ARHGAP10: variants seen among roughly 807,000 people sequenced by gnomAD.
ARHGAP10 encodes rho GTPase-activating protein 10.
Under a neutral mutation model 108.6 loss-of-function variants are expected in ARHGAP10, and 87 were observed. The ratio of observed to expected loss-of-function variants is 0.80; its 90% confidence interval spans 0.67 to 0.96. The LOEUF (loss-of-function observed/expected upper bound fraction) is 0.96, where lower values mean the gene tolerates loss of function less well. Ranked by LOEUF, ARHGAP10 falls within the 40% of genes least tolerant of loss-of-function variation. The probability of loss-of-function intolerance (pLI) is 0.00; values close to 1 mark genes in which losing one functional copy is unlikely to be tolerated. For synonymous variants in ARHGAP10, 347 were observed against 341.1 expected (o/e 1.02, Z -0.19); for missense variants, 939 against 954.5 (o/e 0.98, Z 0.21).
intron 1 of ARHGAP10, among the ~76,000 whole-genome samples, chr4:147,800,759 G>A (rs142587956): frequency 6.6e-6 from 1 of 152,280 alleles, no homozygotes; most frequent in Non-Finnish European, 1.5e-5. Flanking sequence ...TAGTAGGGAG[G>A]AGCAGAGAGA....
chr4:147,765,141 A>G (rs952462828), intron 1 of ARHGAP10, among the ~76,000 whole-genome samples: 1 of 152,184 alleles, frequency 6.6e-6, no homozygotes, highest in Non-Finnish European at 1.5e-5. Flanking sequence ...AAATGGGGAA[A>G]TCTAGGAGTC....
At chr4:147,832,415 G>A (rs1401442124) in intron 3 of ARHGAP10, among the ~76,000 whole-genome samples, 1 of 151,274 alleles carries the variant, frequency 6.6e-6, no homozygotes, top group South Asian at 2.1e-4. Flanking sequence ...TTGGGAGGCC[G>A]AGGTGGGTGG....
At chr4:147,843,205 C>T (rs548989999) in intron 3 of ARHGAP10, among the ~76,000 whole-genome samples, 17 of 152,296 alleles carry the variant, frequency 1.1e-4, no homozygotes, top group Admixed American at 5.2e-4. Context: ...CATCTCCTCC[C>T]GTGTCAGAGA....
intron 1 of ARHGAP10, among the ~76,000 whole-genome samples, chr4:147,774,316 A>G (rs868861952): frequency 3.9e-5 from 6 of 152,314 alleles, no homozygotes; most frequent in Middle Eastern, 3.4e-3. Flanking sequence ...TCCCCAGGCT[A>G]GGCAAGCATG....
chr4:147,924,578 C>A (rs1368297477), intron 13 of ARHGAP10, among the ~76,000 whole-genome samples: 3 of 152,100 alleles, frequency 2.0e-5, no homozygotes, highest in African/African-American at 7.2e-5. Context: ...ACAGAAGAAA[C>A]TTGGTGGAAC....
Position 147,975,361 on chromosome 4 carries a change from G to A in ARHGAP10, c.1716+8522G>A, listed in dbSNP as rs781120882. 5.9e-5 allele frequency among the ~76,000 whole-genome samples: 9 copies of A among 152,230 alleles called. No homozygotes were observed. The South Asian group carries it at 1.0e-3, about 18-fold the overall frequency. On this transcript the variant is annotated intron_variant, in intron 18 of 22. Coordinates refer to ENST00000336498, the MANE Select transcript of ARHGAP10 (RefSeq NM_024605.4). ...CGAGTAGTGTGTGTCCTCCAGTCAC[G>A]GAGGAGCCTAGACAGAGCAGTAGGG...
intron 15 of ARHGAP10, among the ~76,000 whole-genome samples, chr4:147,947,943 GTT>G (rs35309386): frequency 5.3e-4 from 62 of 117,984 alleles, no homozygotes; most frequent in East Asian, 1.4e-3. Context: ...ACCTGCCACT[GTT>G]TTTTTTTTTT....
intron 14 of ARHGAP10, among the ~76,000 whole-genome samples, chr4:147,943,568 G>C (rs1243907592): frequency 1.3e-5 from 2 of 152,172 alleles, no homozygotes; most frequent in Non-Finnish European, 2.9e-5. Flanking sequence ...TCAAAAAAAT[G>C]ACCAGTGGTT....
chr4:147,941,632 A>T (rs904088030), intron 14 of ARHGAP10, among the ~76,000 whole-genome samples: 6 of 152,184 alleles, frequency 3.9e-5, no homozygotes, highest in African/African-American at 1.4e-4. Flanking sequence ...TGAGACAGAT[A>T]CTGACTTGTT....
chr4:147,950,377 A>G (rs2126977069), intron 15 of ARHGAP10, among the ~76,000 whole-genome samples: 1 of 152,334 alleles, frequency 6.6e-6, no homozygotes, highest in South Asian at 2.1e-4. Flanking sequence ...CATGAGAGGT[A>G]ATACAGTGTG....
chr4:147,765,007 C>A (rs891888940), intron 1 of ARHGAP10, among the ~76,000 whole-genome samples: 2 of 152,150 alleles, frequency 1.3e-5, no homozygotes, highest in Non-Finnish European at 2.9e-5. Flanking sequence ...TACAAGTAAT[C>A]TTGCATAAGT....
chr4:148,003,619 A>G (rs1456573898), intron 18 of ARHGAP10, among the ~76,000 whole-genome samples: 1 of 152,214 alleles, frequency 6.6e-6, no homozygotes, highest in African/African-American at 2.4e-5. Flanking sequence ...ATATATGTTT[A>G]GGATAGTTAG....
At chr4:148,017,682 A>ATATATATATATATATATGTGTGTG (rs1437383455) in intron 18 of ARHGAP10, among the ~76,000 whole-genome samples, 1 of 135,264 alleles carries the variant, frequency 7.4e-6, no homozygotes, top group African/African-American at 2.9e-5. Context: ...ATATATATAT[A>ATATATATATATATATATGTGTGTG]TGTGTGTGTA....
In ARHGAP10 at chr4:147,800,422, T is replaced by C. The variant is rs890530789; in HGVS notation, c.155-22305T>C. Among the ~76,000 whole-genome samples the C allele has an allele frequency of 7.2e-5, 11 of 152,276 alleles. No homozygotes were observed. In the East Asian group the frequency reaches 2.1e-3, roughly 29 times the overall value. ...GCTGGGGAGTCTTGTGTCTGCCCTA[T>C]TGCATATGTCGAGGCTCCCCTAGTT... On this transcript the variant is annotated intron_variant, in intron 1 of 22. Transcript: ENST00000336498.
At chr4:147,782,922 A>G (rs1232150392) in intron 1 of ARHGAP10, among the ~76,000 whole-genome samples, 2 of 143,088 alleles carry the variant, frequency 1.4e-5, no homozygotes, top group Non-Finnish European at 3.0e-5. Context: ...TATATAAATT[A>G]TATAATATAT....
intron 19 of ARHGAP10, among the ~76,000 whole-genome samples, chr4:148,036,104 G>GTGTA (rs1728367117): frequency 6.6e-6 from 1 of 150,458 alleles, no homozygotes; most frequent in African/African-American, 2.5e-5. Flanking sequence ...GTGTGTGTGT[G>GTGTA]TATACTTTTC....
intron 4 of ARHGAP10, among the ~76,000 whole-genome samples, chr4:147,848,930 A>G (rs1009108744): frequency 1.3e-5 from 2 of 152,238 alleles, no homozygotes; most frequent in Non-Finnish European, 2.9e-5. Context: ...GAGCTGTTTA[A>G]TGACCAAATT....
At chr4:148,008,298 C>T (rs1741029622) in intron 18 of ARHGAP10, among the ~76,000 whole-genome samples, 1 of 152,272 alleles carries the variant, frequency 6.6e-6, no homozygotes, top group Middle Eastern at 3.4e-3. Flanking sequence ...CCCCCAGTTT[C>T]ATGTCCTCTG....
chr4:147,821,446 C>T (rs938358616), intron 1 of ARHGAP10, among the ~76,000 whole-genome samples: 33 of 152,236 alleles, frequency 2.2e-4, no homozygotes, highest in African/African-American at 7.7e-4. Flanking sequence ...AAATTAAAAT[C>T]CTGTATGATC....
Sources: allele counts gnomAD v4.1 joint callset (sites outside exome capture counted in the v4.1 genomes callset), GRCh38; gene constraint gnomAD v4.1.1; transcripts MANE v1.5; gene names NCBI Gene and HGNC (gene_info 2026-07-23, HGNC 2026-07-21).